Variants in PDE1A observed in about 807,000 individuals in gnomAD.
PDE1A encodes the protein dual specificity calcium/calmodulin-dependent 3',5'-cyclic nucleotide phosphodiesterase 1A.
Under a neutral mutation model 61.7 loss-of-function variants are expected in PDE1A, and 35 were observed. That is an observed-to-expected ratio of 0.57 (90% CI 0.43 to 0.75). The LOEUF is 0.75. Ranked by LOEUF, PDE1A falls within the 30% of genes least tolerant of loss-of-function variation. The pLI is 0.00. For synonymous variants in PDE1A, 232 were observed against 213.2 expected (o/e 1.09, Z -0.77); for missense variants, 597 against 630.6 (o/e 0.95, Z 0.57).
intron 13 of PDE1A, among the ~76,000 whole-genome samples, chr2:182,184,968 C>T (rs984213711): frequency 2.0e-5 from 3 of 152,038 alleles, no homozygotes; most frequent in African/African-American, 7.2e-5. Flanking sequence ...TCACTGGAAA[C>T]ATGTTATATT....
the PDE1A span, among the ~76,000 whole-genome samples, chr2:182,668,764 A>T: frequency 6.6e-6 from 1 of 152,002 alleles, no homozygotes; most frequent in Non-Finnish European, 1.5e-5. Context: ...TCCCTGGAGC[A>T]CTCACCATTT....
At chr2:182,443,191 T>C (rs1684903663) in intron 2 of PDE1A, among the ~76,000 whole-genome samples, 1 of 151,884 alleles carries the variant, frequency 6.6e-6, no homozygotes, top group Non-Finnish European at 1.5e-5. Flanking sequence ...TATACACACA[T>C]TATCTTTGAG....
At chr2:182,305,098 C>T (rs574358613) in intron 1 of PDE1A, among the ~76,000 whole-genome samples, 1 of 152,186 alleles carries the variant, frequency 6.6e-6, no homozygotes, top group East Asian at 1.9e-4. Context: ...GAATTAATAA[C>T]ACTTGCCTAA....
intron 1 of PDE1A, among the ~76,000 whole-genome samples, chr2:182,275,680 T>C (rs1367296931): frequency 6.6e-6 from 1 of 152,062 alleles, no homozygotes; most frequent in Non-Finnish European, 1.5e-5. Context: ...GATTTTTGTC[T>C]GGTGTGAAAA....
At chr2:182,214,576 C>A (rs1287416737) in intron 7 of PDE1A, among the ~76,000 whole-genome samples, 1 of 151,196 alleles carries the variant, frequency 6.6e-6, no homozygotes, top group African/African-American at 2.4e-5. Flanking sequence ...GAAGATCTAC[C>A]AAGCCAATGG....
intron 2 of PDE1A, among the ~76,000 whole-genome samples, chr2:182,470,527 G>A (rs1007744141): frequency 6.6e-6 from 1 of 151,830 alleles, no homozygotes; most frequent in African/African-American, 2.4e-5. Flanking sequence ...TAGTAAGAGA[G>A]AGAAATAGGA....
At chr2:182,452,163 TGTAC>T (rs1685570179) in intron 2 of PDE1A, among the ~76,000 whole-genome samples, 1 of 152,118 alleles carries the variant, frequency 6.6e-6, no homozygotes, top group Non-Finnish European at 1.5e-5. Context: ...TTCTATCTTC[TGTAC>T]GTAAGAACTC....
chr2:182,329,284 T>C (rs1457766405), intron 1 of PDE1A, among the ~76,000 whole-genome samples: 1 of 152,252 alleles, frequency 6.6e-6, no homozygotes, highest in African/African-American at 2.4e-5. Flanking sequence ...TCTGCAGTTG[T>C]AGATTGTTGC....
In PDE1A at chr2:182,202,366, A is replaced by G. The variant is rs544019518; in HGVS notation, c.903-577T>C. Among the ~76,000 whole-genome samples, 6 of 152,354 alleles carry G rather than the reference A, an allele frequency of 3.9e-5. 1 individual carries two copies. The highest frequency in any genetic ancestry group is 3.3e-4 in the Admixed American group (5 of 15,306). ...ATAAAACCAGTGCTATTCATTCAGTATTTATTCAGCAAGGCACTGAACTGT... is the reference window on the plus strand; with the variant it reads ...ATAAAACCAGTGCTATTCATTCAGTGTTTATTCAGCAAGGCACTGAACTGT... On this transcript the variant is annotated intron_variant, in intron 8 of 13. Coordinates refer to ENST00000351439, the Ensembl canonical transcript of PDE1A.
chr2:182,623,420 G>T, the PDE1A span, among the ~76,000 whole-genome samples: 2 of 152,200 alleles, frequency 1.3e-5, no homozygotes, highest in Non-Finnish European at 2.9e-5. Flanking sequence ...CATTAAAGCA[G>T]TTGATATTTT....
chr2:182,470,938 T>G (rs1450267277), intron 2 of PDE1A, among the ~76,000 whole-genome samples: 1 of 151,850 alleles, frequency 6.6e-6, no homozygotes, highest in African/African-American at 2.4e-5. Flanking sequence ...TGAATTACCT[T>G]GTCTGTGTTC....
chr2:182,712,415 A>G, the PDE1A span, among the ~76,000 whole-genome samples: 1 of 152,338 alleles, frequency 6.6e-6, no homozygotes, highest in Non-Finnish European at 1.5e-5. Context: ...TATGAAGGAG[A>G]ATGTCCTTGT....
At chr2:182,426,449 T>C in intron 1 of PDE1A, 129 bp downstream of exon 1, 1 of 654,844 alleles carries the variant, frequency 1.5e-6, no homozygotes, top group Non-Finnish European at 2.7e-6. Context: ...TCAGTATGCC[T>C]GAAGTTAAAC....
chr2:182,413,823 A>G lies in PDE1A; in HGVS notation c.53+12755T>C, dbSNP rs537580868. Reference sequence around the variant, plus strand: ...CTGTGTGTGTCTGTGTGTTTATGTTAGGGTGCACATATGTGTGTGTGATAA... The same window carrying G: ...CTGTGTGTGTCTGTGTGTTTATGTTGGGGTGCACATATGTGTGTGTGATAA... On this transcript the variant is annotated intron_variant, in intron 1 of 13. Transcript: ENST00000351439. Among the ~76,000 whole-genome samples, 29 of 152,272 alleles carry G rather than the reference A, an allele frequency of 1.9e-4. 1 individual carries two copies. Among genetic ancestry groups the G allele is most frequent in the African/African-American group, 7.0e-4 (29 of 41,556 alleles).
chr2:182,676,651 T>C, the PDE1A span, among the ~76,000 whole-genome samples: 1 of 152,148 alleles, frequency 6.6e-6, no homozygotes, highest in Non-Finnish European at 1.5e-5. Flanking sequence ...TGAACATTGA[T>C]ATAAAAATCA....
At chr2:182,464,358 C>T (rs556810971) in intron 2 of PDE1A, among the ~76,000 whole-genome samples, 24 of 151,964 alleles carry the variant, frequency 1.6e-4, no homozygotes, top group African/African-American at 4.1e-4. Context: ...AAAACAGCAG[C>T]GATGAGTGAA....
chr2:182,264,878 C>CATGTATATATATGTATATAT (rs1553560263), intron 1 of PDE1A, among the ~76,000 whole-genome samples: 8 of 106,878 alleles, frequency 7.5e-5, no homozygotes, highest in African/African-American at 3.0e-4. Flanking sequence ...TATATATATA[C>CATGTATATATATGTATATAT]ATATATATAT....
intron 1 of PDE1A, among the ~76,000 whole-genome samples, chr2:182,353,056 A>G (rs1280574693): frequency 1.3e-5 from 2 of 152,202 alleles, no homozygotes; most frequent in Non-Finnish European, 2.9e-5. Flanking sequence ...GATAAGCAAA[A>G]ATGTAGCTTG....
intron 1 of PDE1A, among the ~76,000 whole-genome samples, chr2:182,388,861 T>C (rs975418347): frequency 2.0e-4 from 30 of 151,414 alleles, no homozygotes; most frequent in African/African-American, 7.3e-4. Flanking sequence ...AAATTAAGAG[T>C]TGATTTCCTG....
Sources: allele counts gnomAD v4.1 joint callset (sites outside exome capture counted in the v4.1 genomes callset), GRCh38; gene constraint gnomAD v4.1.1; transcripts MANE v1.5; gene names NCBI Gene and HGNC (gene_info 2026-07-23, HGNC 2026-07-21).